The following FAM161A variants were observed in gnomAD, a reference collection of about 807,000 sequenced individuals.
FAM161A encodes FAM161 centrosomal protein A.
FAM161A carries 57 observed loss-of-function variants against 70.9 expected under a neutral mutation model. The observed-to-expected ratio is 0.80, with a 90% CI of 0.65 to 1.00. FAM161A has a LOEUF of 1.00. Among genes scored for constraint, FAM161A ranks in the 50% least tolerant of loss-of-function variants. The pLI is 0.00. For synonymous variants in FAM161A, 299 were observed against 295.7 expected (o/e 1.01, Z -0.12); for missense variants, 880 against 836.0 (o/e 1.05, Z -0.65).
chr2:61,845,288 C>T (rs1225212998), intron 1 of FAM161A, among the ~76,000 whole-genome samples: 1 of 152,118 alleles, frequency 6.6e-6, no homozygotes, highest in Non-Finnish European at 1.5e-5. Flanking sequence ...TTTGGAGCCT[C>T]TGATTGAGTA....
intron 1 of FAM161A, among the ~76,000 whole-genome samples, chr2:61,853,493 C>A (rs995988271): frequency 5.9e-5 from 9 of 152,060 alleles, no homozygotes; most frequent in African/African-American, 1.7e-4. Context: ...CGAAACACAC[C>A]TGACAGAACA....
the FAM161A span, among the ~76,000 whole-genome samples, chr2:61,812,957 G>A: frequency 6.6e-6 from 1 of 152,180 alleles, no homozygotes; most frequent in Admixed American, 6.5e-5. Flanking sequence ...CAGCTACTCA[G>A]GAGGCTGAGG....
At position 61,825,945 on chromosome 2, in the gene FAM161A, A is replaced by G. The variant is rs1312717082; in HGVS notation, c.*510T>C. ...AGCCACCATACCCGGCGTTTTTTCT[A>G]TACTTTTAAAAATGGCTCAGAGCAG... On this transcript the variant is annotated 3_prime_UTR_variant, in exon 7 of 7. Coordinates refer to ENST00000404929, the MANE Select transcript of FAM161A (RefSeq NM_001201543.2). 4.4e-6 allele frequency: 2 copies of G among 453,992 alleles called. No homozygotes were observed. The highest frequency in any genetic ancestry group is 4.7e-5 in the Admixed American group (2 of 42,530). The allele number at this position is 453,992 out of a possible 1,614,324, so 28.1% of individuals were successfully genotyped here. A position where few individuals can be genotyped will look rare whatever the true frequency, so the allele number is the denominator to read the frequency against.
chr2:61,839,984 C>T lies in FAM161A; in HGVS notation c.1020G>A (p.Lys340=), dbSNP rs750470317. The T allele has an allele frequency of 1.9e-6, 3 of 1,614,194 alleles. No individual in the cohort carries two copies. The Admixed American group carries it at 5.0e-5, about 27-fold the overall frequency. ...TATACTTAAGAAAGTCTCTCAGCTG[C>T]TTTTCCCGGGCTGCTCGCTTCTGTT... is the stretch of plus-strand genomic sequence containing the variant. ...REEQKRAARE[K]QLRDFLKYKK... is the part of the protein sequence containing the mutation. The change falls in exon 3 of 7, where the codon AAG becomes AAA. Residue 340 remains lysine, a synonymous_variant. Transcript: ENST00000404929.
Position 61,840,328 on chromosome 2 carries a change from TTC to T in FAM161A, c.674_675del (p.Arg225LysfsTer34), listed in dbSNP as rs1183052273. ...GGCACCCATTCTTTTCGTTTCTTCC[TTC>T]TTTTTTCAGCTGCATGGAAGCCAGT... is the stretch of plus-strand genomic sequence containing the variant. ...KDTGFHAAEK[R>X]RKKRKEWVPT... is the part of the protein sequence containing the mutation. On this transcript the variant is annotated frameshift_variant, in exon 3 of 7. Coordinates refer to ENST00000404929, the MANE Select transcript of FAM161A (RefSeq NM_001201543.2). LOFTEE classifies it high-confidence loss of function. 2 of 1,614,172 alleles carry T rather than the reference TTC, an allele frequency of 1.2e-6. No homozygotes were observed. Among genetic ancestry groups the T allele is most frequent in the Non-Finnish European group, 1.7e-6 (2 of 1,180,036 alleles).
chr2:61,801,219 C>G, the FAM161A span, among the ~76,000 whole-genome samples: 2 of 151,830 alleles, frequency 1.3e-5, no homozygotes, highest in Non-Finnish European at 2.9e-5. Flanking sequence ...CTGGATTGGC[C>G]AGGCGCAGTG....
intron 1 of FAM161A, among the ~76,000 whole-genome samples, chr2:61,846,423 G>T (rs1325277333): frequency 6.6e-6 from 1 of 152,162 alleles, no homozygotes; most frequent in Admixed American, 6.5e-5. Flanking sequence ...GGGTTGGGTG[G>T]GAGTTAAATA....
chr2:61,839,891 G>C lies in FAM161A; in HGVS notation c.1113C>G (p.Asp371Glu), dbSNP rs764517474. The C allele has an allele frequency of 5.8e-5, 94 of 1,614,042 alleles. No homozygotes were observed. In the East Asian group the frequency reaches 6.9e-4, roughly 12 times the overall value. Residue 371 changes from aspartate (D) to glutamate (E), a missense_variant, in exon 3 of 7, where the codon GAC becomes GAG. Coordinates refer to ENST00000404929, the MANE Select transcript of FAM161A (RefSeq NM_001201543.2). ...PRSTYGSTTN[D>E]KLKEEELYRN... ...GATAGAGCTCTTCTTCTTTTAACTT[G>C]TCATTGGTAGTTGAACCATAAGTAG... is the stretch of plus-strand genomic sequence containing the variant.
At chr2:61,808,164 ATTGCCTTAT>A in the FAM161A span, among the ~76,000 whole-genome samples, 1 of 152,212 alleles carries the variant, frequency 6.6e-6, no homozygotes, top group Non-Finnish European at 1.5e-5. Context: ...GAGATAGGAA[ATTGCCTTAT>A]CTTTTCAAAA....
chr2:61,851,738 G>A (rs1673504160), intron 1 of FAM161A, among the ~76,000 whole-genome samples: 1 of 151,636 alleles, frequency 6.6e-6, no homozygotes, highest in South Asian at 2.1e-4. Flanking sequence ...GCCCAATATG[G>A]GCACTGCAAG....
chr2:61,844,218 C>T (rs1315902091), intron 1 of FAM161A, among the ~76,000 whole-genome samples: 1 of 152,160 alleles, frequency 6.6e-6, no homozygotes, highest in Non-Finnish European at 1.5e-5. Context: ...CAGAGAACTG[C>T]TTTAACTATG....
chr2:61,811,425 G>T, the FAM161A span, among the ~76,000 whole-genome samples: 1 of 151,754 alleles, frequency 6.6e-6, no homozygotes, highest in African/African-American at 2.4e-5. Context: ...CCAGGCTGGA[G>T]CACAGTGGTG....
At chr2:61,840,604 T>C (rs1173699231) in intron 2 of FAM161A, 23 bp from the exon 3 acceptor site, 1 of 1,500,928 alleles carries the variant, frequency 6.7e-7, no homozygotes, top group East Asian at 2.3e-5. Flanking sequence ...AATAACTATG[T>C]TATACTTTCA....
At chr2:61,823,864 A>G (rs534817808), downstream of FAM161A, among the ~76,000 whole-genome samples, 7 of 152,266 alleles carry the variant, frequency 4.6e-5, no homozygotes, top group East Asian at 1.4e-3. Flanking sequence ...GGAAAATCCC[A>G]TAAGTAAAAA....
chr2:61,828,064 T>C (rs1256900871), intron 5 of FAM161A, among the ~76,000 whole-genome samples: 2 of 152,092 alleles, frequency 1.3e-5, no homozygotes, highest in South Asian at 4.1e-4. Flanking sequence ...ACTGTAAAAT[T>C]GCAAAGAAAA....
At chr2:61,849,541 T>G (rs982235969) in intron 1 of FAM161A, among the ~76,000 whole-genome samples, 2 of 151,804 alleles carry the variant, frequency 1.3e-5, no homozygotes, top group East Asian at 3.9e-4. Context: ...TCACAGCACT[T>G]TGGGAGGTCA....
chr2:61,810,627 T>A, the FAM161A span, among the ~76,000 whole-genome samples: 1 of 151,566 alleles, frequency 6.6e-6, no homozygotes, highest in Admixed American at 6.6e-5. Flanking sequence ...CCCGGCTAAT[T>A]TTTTGTATTT....
chr2:61,853,496 A>T (rs1673568647), intron 1 of FAM161A, among the ~76,000 whole-genome samples: 1 of 152,186 alleles, frequency 6.6e-6, no homozygotes. Context: ...AACACACCTG[A>T]CAGAACAGTT....
At chr2:61,826,993 G>C (rs755212350) in intron 6 of FAM161A, 111 bp downstream of exon 6, 9 of 1,034,162 alleles carry the variant, frequency 8.7e-6, no homozygotes, top group African/African-American at 1.6e-5. Flanking sequence ...TTGGGTAAAA[G>C]ATCTTTTTAA....
Sources: gnomAD v4.1 joint callset for allele counts (sites outside exome capture counted in the v4.1 genomes callset) on GRCh38, gnomAD v4.1.1 for gene constraint, MANE v1.5 for transcripts, NCBI Gene and HGNC (gene_info 2026-07-23, HGNC 2026-07-21) for gene names.